DCHS1: variants seen among roughly 807,000 people sequenced by gnomAD.
DCHS1 encodes dachsous cadherin-related 1.
Under a neutral mutation model 213.9 loss-of-function variants are expected in DCHS1, and 78 were observed. The observed-to-expected ratio is 0.36, with a 90% CI of 0.30 to 0.44. DCHS1 has a LOEUF of 0.44. Among genes scored for constraint, DCHS1 ranks in the 20% least tolerant of loss-of-function variants. The probability of loss-of-function intolerance (pLI) is 1.00; values close to 1 mark genes in which losing one functional copy is unlikely to be tolerated. For missense variants in DCHS1, 3,946 were observed against 4,395.9 expected, an observed-to-expected ratio of 0.90 and a Z score of 2.89; for synonymous variants, 1,828 against 1,873.7, an observed-to-expected ratio of 0.98 and a Z score of 0.63.
chr11:6,631,868 T>G, intron 6 of DCHS1, 59 bp from the exon 7 acceptor site: 1 of 1,480,294 alleles, frequency 6.8e-7, no homozygotes. Context: ...GCCTGAGGCC[T>G]GCACCTAAGA....
intron 1 of DCHS1, among the ~76,000 whole-genome samples, chr11:6,648,377 G>A (rs964367962): frequency 1.3e-5 from 2 of 152,204 alleles, no homozygotes; most frequent in Admixed American, 6.5e-5. Context: ...GAAAGGGATC[G>A]ATAATGTCCA....
chr11:6,646,208 C>T (rs947885203), intron 1 of DCHS1, among the ~76,000 whole-genome samples: 1 of 152,244 alleles, frequency 6.6e-6, no homozygotes, highest in African/African-American at 2.4e-5. Context: ...GGCGAGCATG[C>T]ACTCACACTT....
intron 20 of DCHS1, 134 bp downstream of exon 20, chr11:6,624,596 A>C: frequency 7.0e-7 from 1 of 1,421,826 alleles, no homozygotes; most frequent in South Asian, 1.4e-5. Context: ...TATAATGAAG[A>C]CAGAGGGGAG....
At position 6,646,372 on chromosome 11, in the gene DCHS1, G is replaced by A. The variant is rs1055069230; in HGVS notation, c.-120-4639C>T. 7.9e-5 allele frequency among the ~76,000 whole-genome samples: 12 copies of A among 152,130 alleles called. No individual in the cohort carries two copies. The East Asian group carries it at 2.3e-3, about 29-fold the overall frequency. ...CTGCAAGCCTTCCAGTTCCAAACTCGAACTCCAGACTCTCTCCCGAGACCG... is the reference window on the plus strand; with the variant it reads ...CTGCAAGCCTTCCAGTTCCAAACTCAAACTCCAGACTCTCTCCCGAGACCG... On this transcript the variant is annotated intron_variant, in intron 1 of 20. Transcript: ENST00000299441.
chr11:6,643,668 G>A (rs1313620847), intron 1 of DCHS1, among the ~76,000 whole-genome samples: 2 of 152,124 alleles, frequency 1.3e-5, no homozygotes, highest in African/African-American at 4.8e-5. Flanking sequence ...CTCTGCCTGC[G>A]TGATCTTATC....
At position 6,621,536 on chromosome 11, in the gene DCHS1, C is replaced by T. The variant is rs1855685701; in HGVS notation, c.*243G>A. ...GCAGGGATCCCTCACTGAGGAGAAC[C>T]CAGGGCTGCTACCTCCTTCATATTT... On this transcript the variant is annotated 3_prime_UTR_variant, in exon 21 of 21. Transcript: ENST00000299441. 1.5e-6 allele frequency: 1 copy of T among 657,238 alleles called. No individual in the cohort carries two copies. Among genetic ancestry groups the T allele is most frequent in the Non-Finnish European group, 2.8e-6 (1 of 357,810 alleles). The allele number at this position is 657,238 out of a possible 1,614,324, so 40.7% of individuals were successfully genotyped here.
rs763373682 is a variant in DCHS1, at chr11:6,622,832, C to T, written c.8844G>A (p.Val2948=). 2 of 1,594,934 alleles carry T rather than the reference C, an allele frequency of 1.3e-6. No individual in the cohort carries two copies. The highest frequency in any genetic ancestry group is 8.5e-7 in the Non-Finnish European group (1 of 1,170,912). The change falls in exon 21 of 21, where the codon GTG becomes GTA. Residue 2948 remains valine, a synonymous_variant. Coordinates refer to ENST00000299441, the MANE Select transcript of DCHS1 (RefSeq NM_003737.4). This position sits in a 1 kb window ranked among gnomAD's most constrained non-coding sequence, Gnocchi z 5.4. The part of the protein sequence containing the change: ...VGAVAASLGV[V]VVLALAALVL... ...CCAGGGCTGCCAGTGCAAGCACCAC[C>T]ACAACTCCCAAGGAGGCTGCCACGG...
At chr11:6,629,646 T>C (rs987594992) in intron 11 of DCHS1, 26 bp downstream of exon 11, 3 of 1,612,470 alleles carry the variant, frequency 1.9e-6, no homozygotes, top group Middle Eastern at 1.6e-4. Flanking sequence ...TCCATCCCAC[T>C]CATAATTCAC....
In DCHS1 at chr11:6,633,919, G is replaced by C; in HGVS notation, c.2088C>G (p.Ala696=). 6.2e-7 allele frequency: 1 copy of C among 1,614,004 alleles called. No individual in the cohort carries two copies. The highest frequency in any genetic ancestry group is 1.3e-5 in the African/African-American group (1 of 75,038). ...GCACAGCTGTGCCTGGTGGACTCTG[G>C]GCACTTATACTGGCAGCATACTCCC... ...YPREYAASIS[A]QSPPGTAVLR... The change falls in exon 4 of 21, where the codon GCC becomes GCG. Residue 696 remains alanine, a synonymous_variant. Transcript: ENST00000299441.
intron 20 of DCHS1, 61 bp downstream of exon 20, chr11:6,624,669 T>C: frequency 6.2e-7 from 1 of 1,604,800 alleles, no homozygotes; most frequent in Non-Finnish European, 8.5e-7. Flanking sequence ...ATTCAAGGAA[T>C]GAGGTCAGAT....
At position 6,624,055 on chromosome 11, in the gene DCHS1, C is replaced by T. The variant is rs754826846; in HGVS notation, c.7621G>A (p.Gly2541Arg). ...CGGGGGCCTGGTCCAGCACTCTCCC[C>T]AGCCTCAGCCAGCCTGGGTTCCAGC... ...FQLEPRLAEA[G>R]ESAGPGPRAL... The change falls in exon 21 of 21, where the codon GGG (glycine) becomes AGG (arginine). Residue 2541 changes from glycine to arginine, a missense_variant. Transcript: ENST00000299441. The T allele has an allele frequency of 1.2e-5, 19 of 1,613,120 alleles. No homozygotes were observed. The highest frequency in any genetic ancestry group is 1.7e-5 in the Admixed American group (1 of 59,928).
At chr11:6,648,415 G>A (rs12291044) in intron 1 of DCHS1, among the ~76,000 whole-genome samples, 11,835 of 152,254 alleles carry the variant, frequency 0.078, 1,051 homozygotes, top group African/African-American at 0.21. Context: ...AGTAAGATAA[G>A]GGCTGAGAAG....
rs753578364 is a variant in DCHS1 at position 6,627,177 on chromosome 11, A to G, written c.5862T>C (p.Asn1954=). 3 of 1,612,742 alleles carry G rather than the reference A, an allele frequency of 1.9e-6. No individual in the cohort carries two copies. Among genetic ancestry groups the G allele is most frequent in the Middle Eastern group, 3.3e-4 (2 of 6,060 alleles). ...VSVTITVRDV[N]DHAPTFPTSP... The stretch of plus-strand genomic sequence containing the variant: ...TGGTGGGGAAGGTGGGTGCATGGTC[A>G]TTGACATCGCGCACCGTGATGGTGA... Residue 1954 remains asparagine, a synonymous_variant, in exon 14 of 21, where the codon AAT becomes AAC. Transcript: ENST00000299441. This position sits in a 1 kb window ranked among gnomAD's most constrained non-coding sequence, Gnocchi z 5.4.
rs1351048855 is a variant in DCHS1, at chr11:6,626,060, G to A, written c.6591C>T (p.Asp2197=). ...TCTGTCCTCCAGAGCCTTGATCCAG[G>A]TCATCCGCCTCCACCTGGTGAGGGT... ...EGPLLQVEAD[D]LDQGSGGQIS... is the part of the protein sequence containing the mutation. The change falls in exon 17 of 21, where the codon GAC becomes GAT. Residue 2197 remains aspartate, a synonymous_variant. Transcript: ENST00000299441. This position sits in a 1 kb window ranked among gnomAD's most constrained non-coding sequence, Gnocchi z 5.2. The A allele has an allele frequency of 1.9e-6, 3 of 1,610,680 alleles. No individual in the cohort carries two copies. The East Asian group carries it at 6.7e-5, about 36-fold the overall frequency.
chr11:6,623,708 T>A lies in DCHS1; in HGVS notation c.7968A>T (p.Ser2656=). ...GGGCATGGGCCAGTCGCAAGGTGCC[T>A]GAGCTCTCATCCAGCTCAAAGAGCC... ...PSGLFELDES[S]GTLRLAHALD... is the part of the protein sequence containing the mutation. The change falls in exon 21 of 21, where the codon TCA becomes TCT. Residue 2656 remains serine (S), a synonymous_variant. Transcript: ENST00000299441. The A allele has an allele frequency of 6.2e-7, 1 of 1,613,818 alleles. No individual in the cohort carries two copies.
intron 2 of DCHS1, among the ~76,000 whole-genome samples, chr11:6,636,010 G>A (rs1855981336): frequency 6.6e-6 from 1 of 152,130 alleles, no homozygotes; most frequent in Non-Finnish European, 1.5e-5. Flanking sequence ...CTGCCCCAAA[G>A]CCATAATAAA....
chr11:6,644,667 A>G (rs1174497517), intron 1 of DCHS1, among the ~76,000 whole-genome samples: 1 of 152,228 alleles, frequency 6.6e-6, no homozygotes, highest in Non-Finnish European at 1.5e-5. Context: ...CATTTAGTAG[A>G]GTTATAGCAA....
rs1481661473 is a variant in DCHS1, at chr11:6,641,180, T to C, written c.434A>G (p.Gln145Arg). 6.2e-7 allele frequency: 1 copy of C among 1,613,564 alleles called. No homozygotes were observed. The highest frequency in any genetic ancestry group is 1.7e-5 in the Admixed American group (1 of 60,022). Residue 145 changes from glutamine to arginine, a missense_variant, in exon 2 of 21, where the codon CAG becomes CGG. By Grantham distance (43) the Gln-to-Arg change is conservative. Around this residue, in one of 3 missense-constraint regions of DCHS1, gnomAD observed 3,384 missense variants for 3,780.1 expected, o/e 0.90. Coordinates refer to ENST00000299441, the MANE Select transcript of DCHS1 (RefSeq NM_003737.4). The surrounding 1 kb of genome is among the most constrained non-coding windows in gnomAD (Gnocchi z 7.1). Reference sequence around the variant, plus strand: ...AGGTACCTGCAGGGCAGCCCGAGCCTGTGGGAAGGCTGGAGCATGGTCGTT... The same window carrying C: ...AGGTACCTGCAGGGCAGCCCGAGCCCGTGGGAAGGCTGGAGCATGGTCGTT... Reference protein sequence around the residue: ...DINDHAPAFPQARAALQVPEH... With the variant: ...DINDHAPAFPRARAALQVPEH...
chr11:6,627,460 T>A lies in DCHS1; in HGVS notation c.5579A>T (p.Tyr1860Phe), dbSNP rs1323561022. The change falls in exon 14 of 21, where the codon TAC (tyrosine) becomes TTC (phenylalanine). Residue 1860 changes from tyrosine to phenylalanine, a missense_variant. Transcript: ENST00000299441. The surrounding 1 kb of genome is among the most constrained non-coding windows in gnomAD (Gnocchi z 5.4). ...CACATCCTCCGGCACCTCCACCGAGTAGGCAGGCACAGGAAAGGCTGGAGC... is the reference window on the plus strand; with the variant it reads ...CACATCCTCCGGCACCTCCACCGAGAAGGCAGGCACAGGAAAGGCTGGAGC... ...DHAPAFPVPA[Y>F]SVEVPEDVPA... The A allele has an allele frequency of 6.2e-7, 1 of 1,610,932 alleles. No individual in the cohort carries two copies. The highest frequency in any genetic ancestry group is 1.1e-5 in the South Asian group (1 of 90,556).
Sources: allele counts gnomAD v4.1 joint callset (sites outside exome capture counted in the v4.1 genomes callset), GRCh38; gene constraint gnomAD v4.1.1; regional missense constraint gnomAD v4.1.1; non-coding constraint Gnocchi (gnomAD v3.1); transcripts MANE v1.5; gene names NCBI Gene and HGNC (gene_info 2026-07-23, HGNC 2026-07-21).